Variants in FILIP1 observed in about 807,000 individuals in gnomAD.
FILIP1 encodes the protein filamin-A-interacting protein 1.
A neutral mutation model predicts 102.1 loss-of-function variants in FILIP1; 61 were observed. The ratio of observed to expected loss-of-function variants is 0.60; its 90% CI spans 0.49 to 0.74. The LOEUF (loss-of-function observed/expected upper bound fraction) is 0.74, where lower values mean the gene tolerates loss of function less well. FILIP1 is among the 30% of genes least tolerant of loss of function. The pLI is 0.00. For synonymous variants in FILIP1, 491 were observed against 526.9 expected, an observed-to-expected ratio of 0.93 and a Z score of 0.93; for missense variants, 1,314 against 1,441.2, an observed-to-expected ratio of 0.91 and a Z score of 1.43.
At chr6:75,347,261 T>C (rs534014896) in intron 4 of FILIP1, among the ~76,000 whole-genome samples, 260 of 152,354 alleles carry the variant, frequency 1.7e-3, no homozygotes, top group Non-Finnish European at 3.1e-3. Context: ...CTTCTCTGCT[T>C]CATCATCTGC....
At chr6:75,396,580 G>A (rs1776468432) in intron 2 of FILIP1, among the ~76,000 whole-genome samples, 3 of 152,088 alleles carry the variant, frequency 2.0e-5, no homozygotes, top group Non-Finnish European at 4.4e-5. Flanking sequence ...AAATAAGAAT[G>A]GCGAGCCTGT....
chr6:75,327,610 G>C (rs1363833350), intron 4 of FILIP1, among the ~76,000 whole-genome samples: 1 of 149,990 alleles, frequency 6.7e-6, no homozygotes, highest in Non-Finnish European at 1.5e-5. Context: ...TCAATGCACA[G>C]AGCCTTTCAA....
At chr6:75,403,525 A>AAAAAAG (rs1406865481) in intron 2 of FILIP1, among the ~76,000 whole-genome samples, 32 of 14,422 alleles carry the variant, frequency 2.2e-3, no homozygotes, top group Non-Finnish European at 4.0e-3. Flanking sequence ...AAAAAAAAAA[A>AAAAAAG]AAAAAGAAAA....
intron 2 of FILIP1, among the ~76,000 whole-genome samples, chr6:75,388,324 A>G (rs1017349000): frequency 2.6e-5 from 4 of 152,188 alleles, no homozygotes; most frequent in African/African-American, 9.7e-5. Context: ...TGATGCCTCC[A>G]GCTTTGTTCT....
intron 4 of FILIP1, chr6:75,319,830 C>CAAAAA: frequency 6.0e-6 from 2 of 334,726 alleles, no homozygotes; most frequent in Admixed American, 3.7e-5. Context: ...ACTCCGTCCC[C>CAAAAA]CAAAAAAAAA....
chr6:75,475,978 C>T (rs1779463164), intron 1 of FILIP1, among the ~76,000 whole-genome samples: 1 of 152,132 alleles, frequency 6.6e-6, no homozygotes, highest in South Asian at 2.1e-4. Flanking sequence ...CTGTAGCTCA[C>T]ACCTATAATC....
chr6:75,431,347 A>AC (rs1777817376), intron 1 of FILIP1, among the ~76,000 whole-genome samples: 1 of 152,158 alleles, frequency 6.6e-6, no homozygotes, highest in Non-Finnish European at 1.5e-5. Context: ...GTAATTTAAT[A>AC]CTATCTTCTT....
chr6:75,312,380 G>A lies in FILIP1; in HGVS notation c.3435+17C>T. 2 of 1,604,628 alleles carry A rather than the reference G, an allele frequency of 1.2e-6. No individual in the cohort carries two copies. The highest frequency in any genetic ancestry group is 1.3e-5 in the African/African-American group (1 of 74,836). On this transcript the variant is annotated intron_variant, in intron 5 of 5. Coordinates refer to ENST00000237172, the MANE Select transcript of FILIP1 (RefSeq NM_015687.5). The stretch of plus-strand genomic sequence containing the variant: ...CCTCCCTCTGCAGGCCTGCGCTTTG[G>A]AGCCTCTTCTACTCACCACTGACTG...
chr6:75,486,333 C>T (rs1779788500), intron 1 of FILIP1, among the ~76,000 whole-genome samples: 1 of 152,164 alleles, frequency 6.6e-6, no homozygotes. Context: ...ATCACTTCTG[C>T]ATCTCAGTGC....
At chr6:75,336,185 C>CT (rs1562473943) in intron 4 of FILIP1, among the ~76,000 whole-genome samples, 10 of 152,164 alleles carry the variant, frequency 6.6e-5, no homozygotes. Context: ...CAAGGCTGCA[C>CT]TAGTGCTGGG....
chr6:75,457,604 C>T (rs1778881094), intron 1 of FILIP1, among the ~76,000 whole-genome samples: 1 of 142,072 alleles, frequency 7.0e-6, no homozygotes, highest in Non-Finnish European at 1.5e-5. Context: ...CTAATTATTT[C>T]AAACAAAGTC....
At chr6:75,387,724 G>T (rs878989360) in intron 2 of FILIP1, among the ~76,000 whole-genome samples, 4 of 152,086 alleles carry the variant, frequency 2.6e-5, no homozygotes, top group African/African-American at 9.7e-5. Flanking sequence ...TTTTGATGGG[G>T]TTGTTTATTT....
downstream of FILIP1, among the ~76,000 whole-genome samples, chr6:75,304,010 T>C (rs77927642): frequency 0.018 from 2,771 of 152,114 alleles, 40 homozygotes; most frequent in Non-Finnish European, 0.027. Flanking sequence ...AACTGGTGTG[T>C]TTAAGTGTTT....
At chr6:75,369,274 C>T (rs1041762060) in intron 2 of FILIP1, among the ~76,000 whole-genome samples, 1 of 152,136 alleles carries the variant, frequency 6.6e-6, no homozygotes, top group Admixed American at 6.5e-5. Context: ...CCAAATGTCC[C>T]AGATTGTGTG....
chr6:75,448,383 T>A (rs1778510161), intron 1 of FILIP1, among the ~76,000 whole-genome samples: 1 of 152,214 alleles, frequency 6.6e-6, no homozygotes, highest in South Asian at 2.1e-4. Flanking sequence ...GATTAATTCT[T>A]ATGTGCTATT....
chr6:75,383,401 T>C (rs1775965431), intron 2 of FILIP1, among the ~76,000 whole-genome samples: 1 of 152,216 alleles, frequency 6.6e-6, no homozygotes, highest in Non-Finnish European at 1.5e-5. Flanking sequence ...TGAGTTTGAA[T>C]TGTGCTCTCT....
intron 4 of FILIP1, among the ~76,000 whole-genome samples, chr6:75,334,062 CAT>C (rs1186363332): frequency 6.6e-6 from 1 of 151,308 alleles, no homozygotes; most frequent in Non-Finnish European, 1.5e-5. Flanking sequence ...AGAAAATCCA[CAT>C]GACAACAACA....
intron 1 of FILIP1, among the ~76,000 whole-genome samples, chr6:75,474,217 T>G (rs752191661): frequency 6.6e-6 from 1 of 152,204 alleles, no homozygotes; most frequent in African/African-American, 2.4e-5. Context: ...AATATATTAT[T>G]TTATTAATAT....
chr6:75,486,962 G>A (rs1007905340), intron 1 of FILIP1, among the ~76,000 whole-genome samples: 2 of 151,926 alleles, frequency 1.3e-5, no homozygotes, highest in Admixed American at 6.6e-5. Flanking sequence ...AAAAGTTGAC[G>A]GGCCCTGAGA....
Sources: allele counts gnomAD v4.1 joint callset (sites outside exome capture counted in the v4.1 genomes callset), GRCh38; gene constraint gnomAD v4.1.1; transcripts MANE v1.5; gene names NCBI Gene and HGNC (gene_info 2026-07-23, HGNC 2026-07-21).